RNF38: variants seen among roughly 807,000 people sequenced by gnomAD.
The protein encoded by RNF38 is E3 ubiquitin-protein ligase RNF38.
RNF38 carries 15 observed loss-of-function variants against 67.2 expected under a neutral mutation model. The observed-to-expected ratio is 0.22, with a 90% CI of 0.15 to 0.34. The LOEUF is 0.34. Among genes scored for constraint, RNF38 ranks in the 10% least tolerant of loss-of-function variants. The probability of loss-of-function intolerance (pLI) is 1.00; values close to 1 mark genes in which losing one functional copy is unlikely to be tolerated. For synonymous variants in RNF38, 220 were observed against 218.8 expected, an observed-to-expected ratio of 1.01 and a Z score of -0.05; for missense variants, 524 against 639.9, an observed-to-expected ratio of 0.82 and a Z score of 1.95.
At chr9:36,469,896 GGAGCCTGGGGAGATCGAGACTGCAGT>G (rs1839956606) in intron 1 of RNF38, among the ~76,000 whole-genome samples, 1 of 152,098 alleles carries the variant, frequency 6.6e-6, no homozygotes, top group Non-Finnish European at 1.5e-5. Context: ...GAGGGTCACT[GGAGCCTGGGGAGATCGAGACTGCAGT>G]GAGCCAGGAT....
intron 1 of RNF38, among the ~76,000 whole-genome samples, chr9:36,447,946 C>G (rs867146092): frequency 2.6e-5 from 4 of 152,202 alleles, no homozygotes; most frequent in South Asian, 2.1e-4. Context: ...GCTTCTACCC[C>G]CTAAGTTCTT....
rs923049189 is a variant in RNF38 at position 36,480,018 on chromosome 9, G to A, written n.241+7290C>T. Among the ~76,000 whole-genome samples the A allele has an allele frequency of 2.0e-5, 3 of 151,772 alleles. 1 individual carries two copies. Among genetic ancestry groups the A allele is most frequent in the South Asian group, 4.2e-4 (2 of 4,800 alleles). On this transcript the variant is annotated intron_variant and non_coding_transcript_variant, in intron 1 of 3. Transcript: ENST00000488058. ...TTTTGAGATGGAGTCTCACTCTGTC[G>A]CCCAGGCTGGAGTGCAGTGGCGTGA...
chr9:36,434,907 G>A (rs1839026658), intron 1 of RNF38, among the ~76,000 whole-genome samples: 1 of 152,138 alleles, frequency 6.6e-6, no homozygotes, highest in Admixed American at 6.5e-5. Context: ...ATCAATATTT[G>A]CTCAACAGAA....
intron 3 of RNF38, among the ~76,000 whole-genome samples, chr9:36,370,381 T>C (rs757445748): frequency 1.3e-5 from 2 of 152,102 alleles, no homozygotes; most frequent in Non-Finnish European, 2.9e-5. Context: ...ACATAAGACA[T>C]AGTTCCTATG....
intron 2 of RNF38, among the ~76,000 whole-genome samples, chr9:36,423,834 A>G (rs1427708286): frequency 8.0e-5 from 7 of 87,092 alleles, no homozygotes; most frequent in East Asian, 2.7e-4. Context: ...CTGTAGTCCC[A>G]GCTACTCGGG....
At chr9:36,388,422 G>A (rs1836807796) in intron 2 of RNF38, among the ~76,000 whole-genome samples, 1 of 152,116 alleles carries the variant, frequency 6.6e-6, no homozygotes, top group African/African-American at 2.4e-5. Context: ...GAAGCAAAAT[G>A]TAGAAGTTTG....
intron 2 of RNF38, among the ~76,000 whole-genome samples, chr9:36,387,625 A>G (rs1836746621): frequency 6.6e-6 from 1 of 152,224 alleles, no homozygotes; most frequent in Non-Finnish European, 1.5e-5. Context: ...ATATGCTAAA[A>G]AAGTAAATTT....
intron 1 of RNF38, among the ~76,000 whole-genome samples, chr9:36,466,395 T>C (rs947991804): frequency 6.6e-6 from 1 of 152,226 alleles, no homozygotes; most frequent in Non-Finnish European, 1.5e-5. Flanking sequence ...GGGTAAATTG[T>C]ATATGTAAAT....
At chr9:36,392,040 T>G (rs1477606253) in intron 1 of RNF38, among the ~76,000 whole-genome samples, 1 of 152,222 alleles carries the variant, frequency 6.6e-6, no homozygotes, top group African/African-American at 2.4e-5. Flanking sequence ...GACAGCAGTG[T>G]AGTCAGGAAA....
intron 1 of RNF38, among the ~76,000 whole-genome samples, chr9:36,456,023 A>AGGGAGTAAG (rs1355166246): frequency 1.3e-5 from 2 of 152,132 alleles, no homozygotes; most frequent in Admixed American, 6.6e-5. Context: ...CTAGCATCAG[A>AGGGAGTAAG]GGGAGTAAGA....
intron 1 of RNF38, among the ~76,000 whole-genome samples, chr9:36,399,896 G>A (rs1837866531): frequency 6.6e-6 from 1 of 151,996 alleles, no homozygotes. Context: ...GCAACTCTAA[G>A]GTAACAACTG....
intron 1 of RNF38, among the ~76,000 whole-genome samples, chr9:36,455,841 G>A (rs552985386): frequency 6.6e-6 from 1 of 151,432 alleles, no homozygotes; most frequent in Non-Finnish European, 1.5e-5. Context: ...AATCTGGGGG[G>A]CGGAGGTTGC....
chr9:36,474,145 C>G (rs1461064931), intron 1 of RNF38, among the ~76,000 whole-genome samples: 1 of 151,564 alleles, frequency 6.6e-6, no homozygotes, highest in Non-Finnish European at 1.5e-5. Context: ...AACCCCATCT[C>G]TACTACAAAT....
At position 36,353,204 on chromosome 9, in the gene RNF38, T is replaced by C. The variant is rs748742514; in HGVS notation, c.1037A>G (p.His346Arg). 3.7e-6 allele frequency: 6 copies of C among 1,614,114 alleles called. No homozygotes were observed. The highest frequency in any genetic ancestry group is 4.5e-5 in the East Asian group (2 of 44,868). ...PPSAPLQFLT[H>R]DPLHQEVSFG... ...GGACACCTCCTGATGCAAAGGATCA[T>C]GTGTTAAGAACTGCAAGGGAGCTGA... The change falls in exon 7 of 12, where the codon CAT (histidine) becomes CGT (arginine). Residue 346 changes from histidine to arginine, a missense_variant. By Grantham distance (29) the His-to-Arg change is conservative (BLOSUM62 0). Transcript: ENST00000259605.
At chr9:36,400,365 C>G (rs1230486178), upstream of RNF38, 1 of 1,200,764 alleles carries the variant, frequency 8.3e-7, no homozygotes, top group East Asian at 3.6e-5. Context: ...GAGAGCGAGG[C>G]CATCTGCCGG....
intron 1 of RNF38, among the ~76,000 whole-genome samples, chr9:36,487,102 G>T (rs1444297580): frequency 6.6e-6 from 1 of 152,218 alleles, no homozygotes; most frequent in Non-Finnish European, 1.5e-5. Context: ...GGGGGAGGGG[G>T]CTACCCACCG....
At chr9:36,402,966 A>C (rs1222523178), upstream of RNF38, among the ~76,000 whole-genome samples, 1 of 151,962 alleles carries the variant, frequency 6.6e-6, no homozygotes, top group Non-Finnish European at 1.5e-5. Context: ...AATCCAGGCT[A>C]AATTTTTAAT....
chr9:36,375,678 T>A (rs1363770038), intron 3 of RNF38, among the ~76,000 whole-genome samples: 2 of 152,230 alleles, frequency 1.3e-5, no homozygotes, highest in African/African-American at 4.8e-5. Flanking sequence ...ATCTGTACCT[T>A]AAGTAGCTAA....
Position 36,355,088 on chromosome 9 carries a change from T to C in RNF38, c.909+1215A>G, listed in dbSNP as rs140821636. ...ATCCTATCCTATTTCCAAGAAAAGATTGTCTTGCAGAAGCAATTCTACCTC... is the reference window on the plus strand; with the variant it reads ...ATCCTATCCTATTTCCAAGAAAAGACTGTCTTGCAGAAGCAATTCTACCTC... On this transcript the variant is annotated intron_variant, in intron 6 of 11. Transcript: ENST00000259605. 4.9e-4 allele frequency among the ~76,000 whole-genome samples: 74 copies of C among 152,312 alleles called. 1 individual carries two copies. The highest frequency in any genetic ancestry group is 6.2e-4 in the South Asian group (3 of 4,830).
Sources: allele counts gnomAD v4.1 joint callset (sites outside exome capture counted in the v4.1 genomes callset), GRCh38; gene constraint gnomAD v4.1.1; transcripts MANE v1.5; gene names NCBI Gene and HGNC (gene_info 2026-07-23, HGNC 2026-07-21).